The following FMN1 variants were observed in gnomAD, a reference collection of about 807,000 sequenced individuals.
FMN1 encodes formin 1, also known as formin-1.
FMN1 carries 110 observed loss-of-function variants against 132.4 expected under a neutral mutation model. That is an observed-to-expected ratio of 0.83 (90% confidence interval 0.71 to 0.97). The LOEUF is 0.97. Ranked by LOEUF, FMN1 falls within the 50% of genes least tolerant of loss-of-function variation. The pLI is 0.00. For synonymous variants in FMN1, 722 were observed against 651.7 expected (o/e 1.11, Z -1.64); for missense variants, 1,792 against 1,705.3 (o/e 1.05, Z -0.90).
chr15:33,088,442 C>T (rs1595445396), intron 5 of FMN1, among the ~76,000 whole-genome samples: 1 of 152,156 alleles, frequency 6.6e-6, no homozygotes, highest in Admixed American at 6.5e-5. Flanking sequence ...TATCAGTTGG[C>T]TTTACATATG....
At chr15:33,156,845 C>CTAT (rs1025731557) in intron 3 of FMN1, among the ~76,000 whole-genome samples, 16 of 152,142 alleles carry the variant, frequency 1.1e-4, no homozygotes, top group Non-Finnish European at 2.4e-4. Flanking sequence ...AGCAGATGAG[C>CTAT]TATGCTGAGT....
chr15:33,007,905 G>C, intron 7 of FMN1, 109 bp downstream of exon 7: 1 of 855,142 alleles, frequency 1.2e-6, no homozygotes, highest in Non-Finnish European at 1.8e-6. Context: ...TGCAAGATGC[G>C]ATGCTGTCTA....
chr15:32,949,978 TAC>T (rs1323178308), intron 9 of FMN1, among the ~76,000 whole-genome samples: 31 of 36,106 alleles, frequency 8.6e-4, no homozygotes, highest in Admixed American at 2.5e-3. Context: ...CACATATATA[TAC>T]ACACACATAT....
At position 32,771,781 on chromosome 15, in the gene FMN1, A is replaced by G. The variant is rs182204599; in HGVS notation, c.*2529T>C. The stretch of plus-strand genomic sequence containing the variant: ...CTGCTACACTGAACACAAGCTCAAC[A>G]GCATTTTAGAGGGATCATTTTCAAG... On this transcript the variant is annotated 3_prime_UTR_variant, in exon 21 of 21. Transcript: ENST00000616417. The G allele has an allele frequency of 6.6e-6, 1 of 152,348 alleles. No homozygotes were observed. Among genetic ancestry groups the G allele is most frequent in the Admixed American group, 6.5e-5 (1 of 15,312 alleles). 9.4% of individuals were successfully genotyped at this position (152,348 alleles called of 1,614,324 possible). A position where few individuals can be genotyped will look rare whatever the true frequency, so the allele number is the denominator to read the frequency against.
chr15:33,181,205 GGTTCCTTGCATGAT>G (rs918595954), intron 2 of FMN1, among the ~76,000 whole-genome samples: 2 of 152,018 alleles, frequency 1.3e-5, no homozygotes, highest in African/African-American at 4.8e-5. Flanking sequence ...CTGCTATAAG[GGTTCCTTGCATGAT>G]GTTCCTCCTG....
chr15:32,931,149 C>G (rs1163581708), intron 9 of FMN1, among the ~76,000 whole-genome samples: 1 of 152,098 alleles, frequency 6.6e-6, no homozygotes, highest in Non-Finnish European at 1.5e-5. Context: ...TTTGTTCTTT[C>G]TCATGGTGGT....
chr15:33,121,054 A>C (rs947496598), intron 4 of FMN1, among the ~76,000 whole-genome samples: 11 of 152,174 alleles, frequency 7.2e-5, no homozygotes, highest in African/African-American at 2.7e-4. Context: ...CAAAAATGTA[A>C]ACTGGAGAAC....
chr15:32,949,751 C>T (rs1356537373), intron 9 of FMN1, among the ~76,000 whole-genome samples: 1 of 151,168 alleles, frequency 6.6e-6, no homozygotes, highest in Non-Finnish European at 1.5e-5. Flanking sequence ...AAGAAACTAT[C>T]AACAGAGTGA....
chr15:33,066,125 GAT>G (rs2037713033), intron 5 of FMN1, among the ~76,000 whole-genome samples: 1 of 152,172 alleles, frequency 6.6e-6, no homozygotes, highest in South Asian at 2.1e-4. Flanking sequence ...TCAAAGGAAC[GAT>G]AGACTTTCTG....
At chr15:32,842,703 G>A (rs114935475) in intron 17 of FMN1, among the ~76,000 whole-genome samples, 2,120 of 151,970 alleles carry the variant, frequency 0.014, 49 homozygotes, top group African/African-American at 0.048. Flanking sequence ...TCAAACGGCT[G>A]ACATTTTTTA....
rs28535389 is a variant in FMN1, at chr15:32,783,597, G to C, written c.4131-6678C>G. Among the ~76,000 whole-genome samples the C allele has an allele frequency of 3.9e-5, 6 of 151,998 alleles. No homozygotes were observed. The East Asian group carries it at 1.2e-3, about 29-fold the overall frequency. ...TCTCGACTAAAAATACAAAAAATTAGCCAGATGTGGTGGTGGGCGCCTGTA... is the reference window on the plus strand; with the variant it reads ...TCTCGACTAAAAATACAAAAAATTACCCAGATGTGGTGGTGGGCGCCTGTA... On this transcript the variant is annotated intron_variant, in intron 19 of 20. Transcript: ENST00000616417.
At chr15:32,834,659 A>T (rs2058582931) in intron 17 of FMN1, among the ~76,000 whole-genome samples, 1 of 152,208 alleles carries the variant, frequency 6.6e-6, no homozygotes, top group African/African-American at 2.4e-5. Context: ...TCCCACCGTT[A>T]TTATTTTCAG....
chr15:32,774,228 A>G lies in FMN1; in HGVS notation c.*82T>C. 2 of 1,074,154 alleles carry G rather than the reference A, an allele frequency of 1.9e-6. No individual in the cohort carries two copies. Among genetic ancestry groups the G allele is most frequent in the South Asian group, 2.9e-5 (2 of 70,124 alleles). The allele number at this position is 1,074,154 out of a possible 1,614,324, so 66.5% of individuals were successfully genotyped here. ...ACATTTAGTGACACATCTTTCAAGA[A>G]CGTCCTGCAACCCTGTGGTCACAAA... On this transcript the variant is annotated 3_prime_UTR_variant, in exon 21 of 21. Transcript: ENST00000616417.
chr15:33,053,684 A>T (rs2037084015), intron 6 of FMN1, among the ~76,000 whole-genome samples: 3 of 152,164 alleles, frequency 2.0e-5, no homozygotes, highest in African/African-American at 7.2e-5. Flanking sequence ...TAAAAAAAAA[A>T]TGCTGTCTGT....
chr15:33,029,255 C>T (rs548432957), intron 6 of FMN1, among the ~76,000 whole-genome samples: 1 of 148,574 alleles, frequency 6.7e-6, no homozygotes. Context: ...ATTTTATGAA[C>T]ACACAAGGAA....
At chr15:32,803,360 G>C (rs1423176166) in intron 18 of FMN1, among the ~76,000 whole-genome samples, 3 of 152,166 alleles carry the variant, frequency 2.0e-5, no homozygotes, top group Non-Finnish European at 4.4e-5. Flanking sequence ...GAGGGAGGGA[G>C]AGCCACACTG....
chr15:33,140,856 A>G (rs1229725939), intron 4 of FMN1, among the ~76,000 whole-genome samples: 1 of 152,204 alleles, frequency 6.6e-6, no homozygotes, highest in Non-Finnish European at 1.5e-5. Flanking sequence ...ATATTTTCCA[A>G]TCTAATATGT....
chr15:33,059,913 C>T (rs1166595864), intron 6 of FMN1, among the ~76,000 whole-genome samples: 1 of 152,216 alleles, frequency 6.6e-6, no homozygotes, highest in Non-Finnish European at 1.5e-5. Flanking sequence ...CTTTTGATTC[C>T]TCTCCTAAAA....
At chr15:33,124,094 A>C (rs1490374008) in intron 4 of FMN1, among the ~76,000 whole-genome samples, 2 of 152,222 alleles carry the variant, frequency 1.3e-5, no homozygotes, top group Non-Finnish European at 2.9e-5. Flanking sequence ...CACAGTGACC[A>C]GGTGACGTGA....
Sources: gnomAD v4.1 joint callset for allele counts (sites outside exome capture counted in the v4.1 genomes callset) on GRCh38, gnomAD v4.1.1 for gene constraint, MANE v1.5 for transcripts, NCBI Gene and HGNC (gene_info 2026-07-23, HGNC 2026-07-21) for gene names.